The following HS3ST4 variants were observed in gnomAD, a reference collection of about 807,000 sequenced individuals.
The protein encoded by HS3ST4 is heparan sulfate-glucosamine 3-sulfotransferase 4.
In HS3ST4, 17 loss-of-function variants were observed where a neutral mutation model predicts 29.2. The ratio of observed to expected loss-of-function variants is 0.58; its 90% CI spans 0.40 to 0.87. The LOEUF (loss-of-function observed/expected upper bound fraction) is 0.87, where lower values mean the gene tolerates loss of function less well. Ranked by LOEUF, HS3ST4 falls within the 40% of genes least tolerant of loss-of-function variation. The pLI is 0.00. For synonymous variants in HS3ST4, 314 were observed against 285.7 expected, an observed-to-expected ratio of 1.10 and a Z score of -1.00; for missense variants, 627 against 634.5, an observed-to-expected ratio of 0.99 and a Z score of 0.13.
At position 25,828,240 on chromosome 16, in the gene HS3ST4, TTC is replaced by T. The variant is rs756110094; in HGVS notation, c.734+135093_734+135094del. Among the ~76,000 whole-genome samples the T allele has an allele frequency of 1.9e-3, 115 of 59,692 alleles. 1 individual carries two copies. The highest frequency in any genetic ancestry group is 6.7e-3 in the Middle Eastern group (1 of 150). The allele number at this position is 59,692 out of a possible 152,430, so 39.2% of individuals were successfully genotyped here. On this transcript the variant is annotated intron_variant, in intron 1 of 1. Transcript: ENST00000331351. ...TTCTTTCCTTTCTTTCTTTCTTTCT[TTC>T]TCTTTCTTTCTTTCTTTCTTTCTTT...
rs1211335281 is a variant in HS3ST4 at position 26,097,605 on chromosome 16, T to G, written c.735-38007T>G. On this transcript the variant is annotated intron_variant, in intron 1 of 1. Coordinates refer to ENST00000331351, the MANE Select transcript of HS3ST4 (RefSeq NM_006040.3). ...ATTCAAGATGGATTAAAGACTTAAA[T>G]GTTAGACCCAAAACTGTAGAAACCC... Among the ~76,000 whole-genome samples the G allele has an allele frequency of 2.0e-5, 3 of 152,210 alleles. No homozygotes were observed. In the East Asian group the frequency reaches 5.8e-4, roughly 29 times the overall value.
chr16:25,789,076 G>T (rs1198904577), intron 1 of HS3ST4, among the ~76,000 whole-genome samples: 1 of 152,102 alleles, frequency 6.6e-6, no homozygotes. Context: ...TCAGGCCTGG[G>T]TCATGTGGGG....
chr16:25,914,385 A>G (rs950946304), intron 1 of HS3ST4, among the ~76,000 whole-genome samples: 3 of 150,646 alleles, frequency 2.0e-5, no homozygotes, highest in Admixed American at 6.6e-5. Context: ...TGATGTTTTT[A>G]TAGGGAATAT....
At chr16:25,869,554 A>G (rs973838312) in intron 1 of HS3ST4, among the ~76,000 whole-genome samples, 23 of 152,112 alleles carry the variant, frequency 1.5e-4, no homozygotes, top group African/African-American at 4.8e-4. Context: ...TCAGGAGTTC[A>G]GTTGCTTACC....
chr16:25,812,327 G>A (rs1967049684), intron 1 of HS3ST4, among the ~76,000 whole-genome samples: 1 of 152,128 alleles, frequency 6.6e-6, no homozygotes, highest in Admixed American at 6.6e-5. Context: ...ACCACATGCT[G>A]CAGCATTGCC....
intron 1 of HS3ST4, among the ~76,000 whole-genome samples, chr16:25,979,711 C>A (rs1210545618): frequency 6.6e-6 from 1 of 152,178 alleles, no homozygotes; most frequent in African/African-American, 2.4e-5. Flanking sequence ...GCGCTTGAAT[C>A]ATCCCGAAAC....
intron 1 of HS3ST4, among the ~76,000 whole-genome samples, chr16:26,018,373 G>A (rs1273414016): frequency 6.6e-6 from 1 of 152,202 alleles, no homozygotes; most frequent in Non-Finnish European, 1.5e-5. Context: ...AAGAAACCAG[G>A]AGACTGGTTG....
chr16:25,885,731 T>C (rs1596602539), intron 1 of HS3ST4, among the ~76,000 whole-genome samples: 3 of 152,054 alleles, frequency 2.0e-5, no homozygotes, highest in African/African-American at 7.2e-5. Flanking sequence ...TATATGTATA[T>C]GTGTGTAAAC....
At chr16:26,100,127 G>T (rs939307309) in intron 1 of HS3ST4, among the ~76,000 whole-genome samples, 1 of 152,062 alleles carries the variant, frequency 6.6e-6, no homozygotes, top group Non-Finnish European at 1.5e-5. Context: ...TGACAGTAGG[G>T]ACTCGAAAAG....
At chr16:25,931,582 C>T (rs1292060940) in intron 1 of HS3ST4, among the ~76,000 whole-genome samples, 1 of 152,180 alleles carries the variant, frequency 6.6e-6, no homozygotes, top group Non-Finnish European at 1.5e-5. Context: ...TTACCAGGGC[C>T]ATTTGGCAAT....
At chr16:26,013,406 T>C (rs1375763505) in intron 1 of HS3ST4, among the ~76,000 whole-genome samples, 2 of 151,972 alleles carry the variant, frequency 1.3e-5, no homozygotes, top group East Asian at 1.9e-4. Context: ...GCTCAAGAGG[T>C]TGTTATGAGG....
rs183463055 is a variant in HS3ST4 at position 26,042,336 on chromosome 16, T to G, written c.735-93276T>G. Among the ~76,000 whole-genome samples, 316 of 151,546 alleles carry G rather than the reference T, an allele frequency of 2.1e-3. 2 individuals carry two copies. The highest frequency in any genetic ancestry group is 2.3e-3 in the Non-Finnish European group (154 of 67,952). On this transcript the variant is annotated intron_variant, in intron 1 of 1. Coordinates refer to ENST00000331351, the MANE Select transcript of HS3ST4 (RefSeq NM_006040.3). Reference sequence around the variant, plus strand: ...TGTTTAACCACCTACATAATAAAACTGATGCTGGCATTTATCTCTGTGTGT... The same window carrying G: ...TGTTTAACCACCTACATAATAAAACGGATGCTGGCATTTATCTCTGTGTGT...
chr16:25,908,202 A>G (rs1052053410), intron 1 of HS3ST4, among the ~76,000 whole-genome samples: 1 of 152,212 alleles, frequency 6.6e-6, no homozygotes, highest in Non-Finnish European at 1.5e-5. Flanking sequence ...GACATCTGCC[A>G]CAGATGAGAA....
At chr16:25,784,310 G>A (rs1457845266) in intron 1 of HS3ST4, among the ~76,000 whole-genome samples, 1 of 152,172 alleles carries the variant, frequency 6.6e-6, no homozygotes, top group Non-Finnish European at 1.5e-5. Flanking sequence ...CAAGTGAAAG[G>A]AAGAATCTCA....
Position 26,065,150 on chromosome 16 carries a change from A to G in HS3ST4, c.735-70462A>G, listed in dbSNP as rs1417332422. Reference sequence around the variant, plus strand: ...ATATACCCAAAGGAATATAAAACATACTATTATAAAGACACATGCATGCAT... The same window carrying G: ...ATATACCCAAAGGAATATAAAACATGCTATTATAAAGACACATGCATGCAT... On this transcript the variant is annotated intron_variant, in intron 1 of 1. Transcript: ENST00000331351. Among the ~76,000 whole-genome samples, 3 of 152,186 alleles carry G rather than the reference A, an allele frequency of 2.0e-5. No homozygotes were observed. The East Asian group carries it at 5.8e-4, about 29-fold the overall frequency.
chr16:25,918,698 C>T (rs1968317173), intron 1 of HS3ST4, among the ~76,000 whole-genome samples: 1 of 152,134 alleles, frequency 6.6e-6, no homozygotes, highest in South Asian at 2.1e-4. Flanking sequence ...TCTCAGAGTG[C>T]TGAGGCTGAG....
chr16:25,746,665 C>T (rs540945071), intron 1 of HS3ST4, among the ~76,000 whole-genome samples: 4 of 152,072 alleles, frequency 2.6e-5, no homozygotes, highest in Admixed American at 2.6e-4. Flanking sequence ...AATTCTCCTG[C>T]CTCAGCCTCC....
At chr16:26,043,608 G>A (rs973231927) in intron 1 of HS3ST4, among the ~76,000 whole-genome samples, 1 of 152,158 alleles carries the variant, frequency 6.6e-6, no homozygotes. Flanking sequence ...GCTTCCTCAT[G>A]TGAGAATTGT....
chr16:25,950,124 T>C, intron 1 of HS3ST4, among the ~76,000 whole-genome samples: 1 of 152,114 alleles, frequency 6.6e-6, no homozygotes, highest in South Asian at 2.1e-4. Flanking sequence ...AATGACAGCT[T>C]TGGCATCAGT....
Sources: gnomAD v4.1 joint callset for allele counts (sites outside exome capture counted in the v4.1 genomes callset) on GRCh38, gnomAD v4.1.1 for gene constraint, MANE v1.5 for transcripts, NCBI Gene and HGNC (gene_info 2026-07-23, HGNC 2026-07-21) for gene names.